Variants in WIPI2 observed in about 807,000 individuals in gnomAD.
WIPI2 encodes WD repeat domain phosphoinositide-interacting protein 2.
Under a neutral mutation model 52.3 loss-of-function variants are expected in WIPI2, and 28 were observed. That is an observed-to-expected ratio of 0.54 (90% CI 0.40 to 0.73). The LOEUF (loss-of-function observed/expected upper bound fraction) is 0.73. Among genes scored for constraint, WIPI2 ranks in the 30% least tolerant of loss-of-function variants. The probability of loss-of-function intolerance (pLI) is 0.00; values close to 1 mark genes in which losing one functional copy is unlikely to be tolerated. For synonymous variants in WIPI2, 268 were observed against 245.0 expected, an observed-to-expected ratio of 1.09 and a Z score of -0.88; for missense variants, 506 against 602.9, an observed-to-expected ratio of 0.84 and a Z score of 1.68.
intron 2 of WIPI2, among the ~76,000 whole-genome samples, chr7:5,196,436 GTTTCCC>G (rs1368173676): frequency 9.9e-5 from 15 of 152,216 alleles, no homozygotes; most frequent in Non-Finnish European, 1.9e-4. Context: ...GAATATTTTT[GTTTCCC>G]TTTCTTAACG....
At chr7:5,221,459 T>A (rs1783125409) in intron 7 of WIPI2, among the ~76,000 whole-genome samples, 1 of 152,254 alleles carries the variant, frequency 6.6e-6, no homozygotes, top group Non-Finnish European at 1.5e-5. Context: ...GAATAATTCT[T>A]CCTGCCCTGC....
intron 3 of WIPI2, chr7:5,213,121 CGGT>C: frequency 6.6e-6 from 1 of 151,646 alleles, no homozygotes; most frequent in East Asian, 1.9e-4. Flanking sequence ...TCCTGGAAGA[CGGT>C]GGCCGCTAGT....
chr7:5,194,011 C>T (rs1212300476), intron 2 of WIPI2, among the ~76,000 whole-genome samples: 1 of 152,220 alleles, frequency 6.6e-6, no homozygotes, highest in African/African-American at 2.4e-5. Flanking sequence ...GGGAAGGAGA[C>T]TGTCTCGCCA....
At chr7:5,229,844 A>T (rs1783638931) in intron 12 of WIPI2, 106 bp downstream of exon 12, 2 of 1,478,288 alleles carry the variant, frequency 1.4e-6, no homozygotes. Context: ...ACTGGGAAAG[A>T]TGGGGACTGG....
chr7:5,203,650 T>TTTTTTA (rs1782142081), intron 3 of WIPI2, among the ~76,000 whole-genome samples: 1 of 111,152 alleles, frequency 9.0e-6, no homozygotes, highest in African/African-American at 3.2e-5. Context: ...TTTTTTTTTT[T>TTTTTTA]GAGACGGAGT....
In WIPI2 at chr7:5,230,147, G is replaced by A. The variant is rs2115327809; in HGVS notation, c.1252+409G>A. ...GGGTCACGTGACTTGGGCCCAGACT[G>A]GCCACCTCTCAGCCAAGATACCACC... On this transcript the variant is annotated intron_variant, in intron 12 of 12. Coordinates refer to ENST00000288828, the MANE Select transcript of WIPI2 (RefSeq NM_015610.4). The surrounding 1 kb of genome is among the most constrained non-coding windows in gnomAD (Gnocchi z 4.8). 6.6e-6 allele frequency among the ~76,000 whole-genome samples: 1 copy of A among 152,152 alleles called. No individual in the cohort carries two copies. Among genetic ancestry groups the A allele is most frequent in the East Asian group, 1.9e-4 (1 of 5,182 alleles).
rs901695391 is a variant in WIPI2 at position 5,222,982 on chromosome 7, G to A, written c.740+310G>A. On this transcript the variant is annotated intron_variant, in intron 8 of 12. Coordinates refer to ENST00000288828, the MANE Select transcript of WIPI2 (RefSeq NM_015610.4). ...CTGCTGTAAGGGACGGGGCGGCGACGTCATGGGTAGCACACCCTCCCCTTT... is the reference window on the plus strand; with the variant it reads ...CTGCTGTAAGGGACGGGGCGGCGACATCATGGGTAGCACACCCTCCCCTTT... 2.6e-5 allele frequency among the ~76,000 whole-genome samples: 4 copies of A among 152,348 alleles called. No individual in the cohort carries two copies. The East Asian group carries it at 5.8e-4, about 22-fold the overall frequency.
intron 2 of WIPI2, among the ~76,000 whole-genome samples, chr7:5,198,415 G>A (rs1781857543): frequency 6.6e-6 from 1 of 151,822 alleles, no homozygotes; most frequent in Admixed American, 6.6e-5. Context: ...CCAGGTTCAA[G>A]CAATTCTGCT....
At position 5,228,363 on chromosome 7, in the gene WIPI2, C is replaced by T. The variant is rs1053251837; in HGVS notation, c.1121+152C>T. 83 of 733,418 alleles carry T rather than the reference C, an allele frequency of 1.1e-4. No individual in the cohort carries two copies. The African/African-American group carries it at 1.3e-3, about 12-fold the overall frequency. The allele number at this position is 733,418 out of a possible 1,614,324, so 45.4% of individuals were successfully genotyped here. A position where few individuals can be genotyped will look rare whatever the true frequency, so the allele number is the denominator to read the frequency against. On this transcript the variant is annotated intron_variant, in intron 11 of 12. Coordinates refer to ENST00000288828, the MANE Select transcript of WIPI2 (RefSeq NM_015610.4). Reference sequence around the variant, plus strand: ...CCCATGCCGCGCAGGTCGGGAGCTTCGCTTTCCCAGGTGAAATCAATGCCG... The same window carrying T: ...CCCATGCCGCGCAGGTCGGGAGCTTTGCTTTCCCAGGTGAAATCAATGCCG...
Position 5,231,127 on chromosome 7 carries a change from C to A in WIPI2, c.*180C>A. Reference sequence around the variant, plus strand: ...TAACGCTGAGGAAATACATCATTTTCACTTCAGTGGCTTTTAAATCCTGCT... The same window carrying A: ...TAACGCTGAGGAAATACATCATTTTAACTTCAGTGGCTTTTAAATCCTGCT... On this transcript the variant is annotated 3_prime_UTR_variant, in exon 13 of 13. Transcript: ENST00000288828. 1 of 440,346 alleles carries A rather than the reference C, an allele frequency of 2.3e-6. No individual in the cohort carries two copies. Among genetic ancestry groups the A allele is most frequent in the Non-Finnish European group, 4.0e-6 (1 of 252,238 alleles). The allele number at this position is 440,346 out of a possible 1,614,324, so 27.3% of individuals were successfully genotyped here.
chr7:5,204,137 C>G (rs572463511), intron 3 of WIPI2, among the ~76,000 whole-genome samples: 1 of 152,156 alleles, frequency 6.6e-6, no homozygotes, highest in Admixed American at 6.5e-5. Context: ...AGTGATTGTT[C>G]TGGGTATGCG....
chr7:5,229,871 G>A (rs1447090294), intron 12 of WIPI2, 133 bp downstream of exon 12: 10 of 1,319,904 alleles, frequency 7.6e-6, no homozygotes, highest in East Asian at 5.2e-5. Flanking sequence ...GAACATAAGC[G>A]AGGTTGGTAA....
At chr7:5,214,340 G>A in intron 3 of WIPI2, 195 bp from the exon 4 acceptor site, 1 of 1,578,884 alleles carries the variant, frequency 6.3e-7, no homozygotes, top group Middle Eastern at 2.3e-4. Context: ...GAGTGGAAAT[G>A]CTCCTGAGGC....
chr7:5,227,041 TA>T lies in WIPI2; in HGVS notation c.849-137del. 8.0e-7 allele frequency: 1 copy of T among 1,247,318 alleles called. No individual in the cohort carries two copies. The highest frequency in any genetic ancestry group is 1.1e-6 in the Non-Finnish European group (1 of 898,616). 77.3% of individuals were successfully genotyped at this position (1,247,318 alleles called of 1,614,324 possible). On this transcript the variant is annotated intron_variant, in intron 9 of 12. Coordinates refer to ENST00000288828, the MANE Select transcript of WIPI2 (RefSeq NM_015610.4). This position sits in a 1 kb window ranked among gnomAD's most constrained non-coding sequence, Gnocchi z 8.1. ...CCCTGGGGCCCTGAGTGTCTGCTTA[TA>T]ACCAACCCTGTTTAATTTTCCTGTG...
At position 5,231,171 on chromosome 7, in the gene WIPI2, G is replaced by C. The variant is rs941790054; in HGVS notation, c.*224G>C. ...TCCTGCTTATGAATTTTAGCTTTTT[G>C]TTTGTTTGTTTTCTCTTTTTGCCAA... is the stretch of plus-strand genomic sequence containing the variant. On this transcript the variant is annotated 3_prime_UTR_variant, in exon 13 of 13. Transcript: ENST00000288828. 7.3e-6 allele frequency: 3 copies of C among 413,754 alleles called. No homozygotes were observed. The highest frequency in any genetic ancestry group is 1.3e-5 in the Non-Finnish European group (3 of 235,508). 25.6% of individuals were successfully genotyped at this position (413,754 alleles called of 1,614,324 possible).
chr7:5,222,219 G>T (rs1783178209), intron 7 of WIPI2, among the ~76,000 whole-genome samples: 1 of 152,210 alleles, frequency 6.6e-6, no homozygotes, highest in Non-Finnish European at 1.5e-5. Context: ...AAAGTTCTGG[G>T]ATTACAGGCG....
chr7:5,214,381 G>A, intron 3 of WIPI2, 154 bp from the exon 4 acceptor site: 6 of 1,602,648 alleles, frequency 3.7e-6, no homozygotes, highest in Non-Finnish European at 5.1e-6. Flanking sequence ...AGACCCCCGG[G>A]CTGTCCCCAC....
chr7:5,230,774 T>C lies in WIPI2; in HGVS notation c.1253-61T>C. 1 of 1,265,396 alleles carries C rather than the reference T, an allele frequency of 7.9e-7. No individual in the cohort carries two copies. The highest frequency in any genetic ancestry group is 1.1e-6 in the Non-Finnish European group (1 of 894,960). 78.4% of individuals were successfully genotyped at this position (1,265,396 alleles called of 1,614,324 possible). ...TTTCCAAAACACAGTCCTCAGTGTG[T>C]GTCATGGGGTCTGTGGTGTGTCCCC... On this transcript the variant is annotated intron_variant, in intron 12 of 12. Coordinates refer to ENST00000288828, the MANE Select transcript of WIPI2 (RefSeq NM_015610.4). The surrounding 1 kb of genome is among the most constrained non-coding windows in gnomAD (Gnocchi z 4.8).
chr7:5,209,120 G>C (rs6952562), intron 3 of WIPI2, among the ~76,000 whole-genome samples: 143,780 of 151,400 alleles, frequency 0.95, 68,303 homozygotes, highest in African/African-American at 0.98. Context: ...ATTTCACTGA[G>C]TTTTCCAGTT....
Sources: allele counts gnomAD v4.1 joint callset (sites outside exome capture counted in the v4.1 genomes callset), GRCh38; gene constraint gnomAD v4.1.1; non-coding constraint Gnocchi (gnomAD v3.1); transcripts MANE v1.5; gene names NCBI Gene and HGNC (gene_info 2026-07-23, HGNC 2026-07-21).